VGLL3: variants seen among roughly 807,000 people sequenced by gnomAD.
VGLL3 encodes transcription cofactor vestigial-like protein 3.
VGLL3 carries 18 observed loss-of-function variants against 29.2 expected under a neutral mutation model. The ratio of observed to expected loss-of-function variants is 0.62; its 90% CI spans 0.43 to 0.91. VGLL3 has a LOEUF of 0.91. Ranked by LOEUF, VGLL3 falls within the 40% of genes least tolerant of loss-of-function variation. The probability of loss-of-function intolerance (pLI) is 0.00; values close to 1 mark genes in which losing one functional copy is unlikely to be tolerated. For synonymous variants in VGLL3, 180 were observed against 151.8 expected, an observed-to-expected ratio of 1.19 and a Z score of -1.36; for missense variants, 440 against 413.2, an observed-to-expected ratio of 1.06 and a Z score of -0.56.
intron 3 of VGLL3, among the ~76,000 whole-genome samples, chr3:86,949,593 G>A (rs1704573150): frequency 6.6e-6 from 1 of 151,852 alleles, no homozygotes; most frequent in Non-Finnish European, 1.5e-5. Flanking sequence ...TTGGGAAGCC[G>A]AGGCGGGCGG....
chr3:86,969,896 G>A (rs1427815794), intron 2 of VGLL3, among the ~76,000 whole-genome samples: 1 of 152,088 alleles, frequency 6.6e-6, no homozygotes, highest in African/African-American at 2.4e-5. Flanking sequence ...AATCCCAGTA[G>A]AGAAGAAGCC....
At chr3:86,987,824 C>A (rs1302184967) in intron 1 of VGLL3, among the ~76,000 whole-genome samples, 1 of 152,110 alleles carries the variant, frequency 6.6e-6, no homozygotes, top group Non-Finnish European at 1.5e-5. Flanking sequence ...ATACAGTTAA[C>A]TAGGTTTTTA....
At chr3:86,953,376 T>C (rs1265468799) in intron 3 of VGLL3, among the ~76,000 whole-genome samples, 1 of 152,078 alleles carries the variant, frequency 6.6e-6, no homozygotes, top group East Asian at 1.9e-4. Flanking sequence ...AGTATACTAT[T>C]ACCCAATTCT....
intron 3 of VGLL3, among the ~76,000 whole-genome samples, chr3:86,965,894 C>T (rs1238653287): frequency 2.0e-5 from 3 of 152,136 alleles, no homozygotes. Context: ...AAAGATGTTG[C>T]CCTGAGAACA....
At chr3:86,980,486 T>C (rs1398239437) in intron 1 of VGLL3, among the ~76,000 whole-genome samples, 1 of 152,132 alleles carries the variant, frequency 6.6e-6, no homozygotes, top group East Asian at 1.9e-4. Flanking sequence ...TGTTGATGAA[T>C]AGATAATTCA....
At chr3:86,978,945 C>CT in intron 1 of VGLL3, 143 bp from the exon 2 acceptor site, 1 of 928,044 alleles carries the variant, frequency 1.1e-6, no homozygotes, top group Non-Finnish European at 1.5e-6. Flanking sequence ...TTTACTCCAT[C>CT]TTTTTCCTCC....
chr3:86,970,373 G>T (rs1320148146), intron 2 of VGLL3, among the ~76,000 whole-genome samples: 1 of 152,026 alleles, frequency 6.6e-6, no homozygotes, highest in Non-Finnish European at 1.5e-5. Flanking sequence ...CCCCGACCCA[G>T]CTTAGAGAGT....
chr3:86,958,364 G>C (rs1189298109), intron 3 of VGLL3, among the ~76,000 whole-genome samples: 2 of 152,122 alleles, frequency 1.3e-5, no homozygotes, highest in African/African-American at 4.8e-5. Context: ...CAATATATGA[G>C]AAATGGCAGT....
chr3:86,956,588 C>T (rs1211853530), intron 3 of VGLL3, among the ~76,000 whole-genome samples: 2 of 152,058 alleles, frequency 1.3e-5, no homozygotes, highest in Admixed American at 1.3e-4. Context: ...AGATCGAGAT[C>T]ATCCTGGCTA....
chr3:86,957,108 C>A (rs924669785), intron 3 of VGLL3, among the ~76,000 whole-genome samples: 18 of 152,204 alleles, frequency 1.2e-4, no homozygotes, highest in African/African-American at 4.3e-4. Flanking sequence ...AGTACCCTCT[C>A]ATTCCACGTG....
chr3:86,960,415 C>G (rs1311440716), intron 3 of VGLL3, among the ~76,000 whole-genome samples: 1 of 152,058 alleles, frequency 6.6e-6, no homozygotes, highest in Non-Finnish European at 1.5e-5. Flanking sequence ...TCTGTAGTAC[C>G]CAGCTCTTCC....
At chr3:86,949,562 C>T (rs890977519) in intron 3 of VGLL3, among the ~76,000 whole-genome samples, 2 of 151,684 alleles carry the variant, frequency 1.3e-5, no homozygotes, top group African/African-American at 2.4e-5. Context: ...CGCGGTGGCT[C>T]ATGTCTGTAA....
chr3:86,968,764 G>C lies in VGLL3; in HGVS notation c.763C>G (p.Leu255Val). 6.2e-7 allele frequency: 1 copy of C among 1,614,182 alleles called. No homozygotes were observed. Among genetic ancestry groups the C allele is most frequent in the Non-Finnish European group, 8.5e-7 (1 of 1,180,024 alleles). Residue 255 changes from leucine (L) to valine (V), a missense_variant, in exon 3 of 4, where the codon CTG becomes GTG. Coordinates refer to ENST00000398399, the MANE Select transcript of VGLL3 (RefSeq NM_016206.4). ...AGCAGAGGCCCATAGGATGGATCCA[G>C]GGCAGAGCCAGCAGGAGGGTGGTGA... ...HHHHPPAGSA[L>V]DPSYGPLLMP...
rs116199772 is a variant in VGLL3, at chr3:86,970,018, A to G, written c.404-895T>C. On this transcript the variant is annotated intron_variant, in intron 2 of 3. Transcript: ENST00000398399. The stretch of plus-strand genomic sequence containing the variant: ...CAAGAGGGCGCAATTGTAACTGTGA[A>G]CCTCAACATCTCGAATTTGGTGAAG... 3.9e-3 allele frequency among the ~76,000 whole-genome samples: 597 copies of G among 152,266 alleles called. 4 individuals are homozygous for G. Among genetic ancestry groups the G allele is most frequent in the African/African-American group, 0.013 (560 of 41,548 alleles).
At chr3:86,968,466 G>A (rs1705010056) in intron 3 of VGLL3, 124 bp downstream of exon 3, 1 of 1,131,010 alleles carries the variant, frequency 8.8e-7, no homozygotes, top group Admixed American at 2.8e-5. Flanking sequence ...AAATGGCTAG[G>A]TTCCATAAAC....
chr3:86,958,769 T>C (rs1436800387), intron 3 of VGLL3, among the ~76,000 whole-genome samples: 1 of 152,180 alleles, frequency 6.6e-6, no homozygotes, highest in East Asian at 1.9e-4. Flanking sequence ...TGCATGCATC[T>C]CAAAGATGGT....
chr3:86,956,176 C>A (rs550256904), intron 3 of VGLL3, among the ~76,000 whole-genome samples: 108 of 152,326 alleles, frequency 7.1e-4, no homozygotes, highest in African/African-American at 2.5e-3. Flanking sequence ...CAGATTTCTT[C>A]ATTTGAGCTG....
rs1704426805 is a variant in VGLL3 at position 86,942,849 on chromosome 3, T to C, written c.*4175A>G. On this transcript the variant is annotated 3_prime_UTR_variant, in exon 4 of 4. Coordinates refer to ENST00000398399, the MANE Select transcript of VGLL3 (RefSeq NM_016206.4). Reference sequence around the variant, plus strand: ...GTAATTTCTTACAGAAAAACAATCATGTATCTATTTGATTGCTGCAGAAAC... The same window carrying C: ...GTAATTTCTTACAGAAAAACAATCACGTATCTATTTGATTGCTGCAGAAAC... 1 of 152,198 alleles carries C rather than the reference T, an allele frequency of 6.6e-6. No individual in the cohort carries two copies. Among genetic ancestry groups the C allele is most frequent in the Non-Finnish European group, 1.5e-5 (1 of 68,038 alleles). The allele number at this position is 152,198 out of a possible 1,614,324, so 9.4% of individuals were successfully genotyped here.
intron 1 of VGLL3, among the ~76,000 whole-genome samples, chr3:86,981,218 C>A (rs75628079): frequency 4.0e-5 from 6 of 151,740 alleles, no homozygotes; most frequent in African/African-American, 1.5e-4. Context: ...ATTTTAAAAT[C>A]GATATTTTAA....
Sources: gnomAD v4.1 joint callset for allele counts (sites outside exome capture counted in the v4.1 genomes callset) on GRCh38, gnomAD v4.1.1 for gene constraint, MANE v1.5 for transcripts, NCBI Gene and HGNC (gene_info 2026-07-23, HGNC 2026-07-21) for gene names.